Variants in TMEM135 observed in about 807,000 individuals in gnomAD.
TMEM135 encodes transmembrane protein 135.
In TMEM135, 30 loss-of-function variants were observed where a neutral mutation model predicts 60.3. The ratio of observed to expected loss-of-function variants is 0.50; its 90% confidence interval spans 0.37 to 0.68. The LOEUF (loss-of-function observed/expected upper bound fraction) is 0.68. Ranked by LOEUF, TMEM135 falls within the 30% of genes least tolerant of loss-of-function variation. The probability of loss-of-function intolerance (pLI) is 0.00; values close to 1 mark genes in which losing one functional copy is unlikely to be tolerated. For synonymous variants in TMEM135, 190 were observed against 186.7 expected (o/e 1.02, Z -0.14); for missense variants, 468 against 548.8 (o/e 0.85, Z 1.47).
At chr11:87,061,472 T>C (rs1482281049) in intron 1 of TMEM135, among the ~76,000 whole-genome samples, 1 of 152,192 alleles carries the variant, frequency 6.6e-6, no homozygotes, top group African/African-American at 2.4e-5. Context: ...AGAGATTACT[T>C]TAAGAAAGAT....
chr11:87,228,562 G>T (rs1353762392), intron 5 of TMEM135, among the ~76,000 whole-genome samples: 1 of 152,102 alleles, frequency 6.6e-6, no homozygotes, highest in Non-Finnish European at 1.5e-5. Context: ...AATACGGGGG[G>T]AGATGAGTTT....
chr11:87,258,446 A>G (rs750262548), intron 6 of TMEM135, among the ~76,000 whole-genome samples: 4 of 152,092 alleles, frequency 2.6e-5, no homozygotes, highest in South Asian at 2.1e-4. Flanking sequence ...CATTGTGTGC[A>G]TGTCCCTCCC....
At chr11:87,152,607 T>C (rs1019161405) in intron 4 of TMEM135, among the ~76,000 whole-genome samples, 1 of 152,084 alleles carries the variant, frequency 6.6e-6, no homozygotes, top group African/African-American at 2.4e-5. Flanking sequence ...CCTGGCTGAT[T>C]TTTTGTATTT....
intron 6 of TMEM135, among the ~76,000 whole-genome samples, chr11:87,276,931 C>T (rs991645012): frequency 6.6e-6 from 1 of 151,802 alleles, no homozygotes; most frequent in Non-Finnish European, 1.5e-5. Context: ...CTCGGCCTCC[C>T]AAAGTGCTGG....
chr11:87,217,500 T>G (rs911791754), intron 5 of TMEM135, among the ~76,000 whole-genome samples: 1 of 152,064 alleles, frequency 6.6e-6, no homozygotes, highest in Non-Finnish European at 1.5e-5. Flanking sequence ...AAAAAGGGAT[T>G]TGGGGCCGGG....
intron 1 of TMEM135, among the ~76,000 whole-genome samples, chr11:87,047,634 CTA>C (rs1342805997): frequency 2.5e-5 from 3 of 119,550 alleles, no homozygotes; most frequent in Admixed American, 8.3e-5. Context: ...CACCACGAGA[CTA>C]TATCCCACAC....
intron 5 of TMEM135, among the ~76,000 whole-genome samples, chr11:87,226,056 C>T (rs1940759094): frequency 6.6e-6 from 1 of 152,048 alleles, no homozygotes; most frequent in Admixed American, 6.5e-5. Context: ...CACAGTAATT[C>T]TTTTCTTGTT....
chr11:87,137,620 G>A (rs1938137371), intron 4 of TMEM135, among the ~76,000 whole-genome samples: 1 of 152,050 alleles, frequency 6.6e-6, no homozygotes, highest in Non-Finnish European at 1.5e-5. Flanking sequence ...TAGGAAGAGG[G>A]ACACTATCTT....
rs1483459843 is a variant in TMEM135, at chr11:87,325,633, G to A, written c.*4300G>A. On this transcript the variant is annotated 3_prime_UTR_variant, in exon 15 of 15. Coordinates refer to ENST00000305494, the MANE Select transcript of TMEM135 (RefSeq NM_022918.4). ...TTCATTGCAACCTTTTAAGCCAGCC[G>A]TTCAAGTGAGAGGCTCTGGAGTGAT... 7 of 453,710 alleles carry A rather than the reference G, an allele frequency of 1.5e-5. No individual in the cohort carries two copies. The highest frequency in any genetic ancestry group is 4.7e-5 in the Admixed American group (2 of 42,518). The allele number at this position is 453,710 out of a possible 1,614,324, so 28.1% of individuals were successfully genotyped here.
At chr11:87,185,946 C>T (rs1939643036) in intron 5 of TMEM135, among the ~76,000 whole-genome samples, 1 of 133,284 alleles carries the variant, frequency 7.5e-6, no homozygotes, top group South Asian at 2.3e-4. Context: ...TTCATTCTGT[C>T]ACCAGGCTAG....
intron 5 of TMEM135, among the ~76,000 whole-genome samples, chr11:87,210,494 A>G (rs1190257060): frequency 1.3e-5 from 2 of 152,160 alleles, no homozygotes; most frequent in East Asian, 3.9e-4. Flanking sequence ...CATACTGATG[A>G]TGAGTTCCCA....
rs183760443 is a variant in TMEM135, at chr11:87,046,218, C to T, written c.141+8032C>T. Among the ~76,000 whole-genome samples, 8 of 152,228 alleles carry T rather than the reference C, an allele frequency of 5.3e-5. No homozygotes were observed. In the East Asian group the frequency reaches 1.5e-3, roughly 29 times the overall value. ...GTCAGGAGTTCGAGACCAGCCTGGT[C>T]AAATGCTGAAACCCCTCCCCTACTA... On this transcript the variant is annotated intron_variant, in intron 1 of 14. Transcript: ENST00000305494.
chr11:87,114,917 A>G (rs951073608), intron 4 of TMEM135, among the ~76,000 whole-genome samples: 1 of 152,198 alleles, frequency 6.6e-6, no homozygotes, highest in Admixed American at 6.5e-5. Flanking sequence ...TAGTCTTGCA[A>G]ATAGCTAGGA....
intron 5 of TMEM135, among the ~76,000 whole-genome samples, chr11:87,180,302 G>C (rs1319060079): frequency 6.6e-6 from 1 of 152,124 alleles, no homozygotes; most frequent in Non-Finnish European, 1.5e-5. Flanking sequence ...GGAAAAACGG[G>C]CCCCTGTAGC....
In TMEM135 at chr11:87,261,228, C is replaced by G. The variant is rs75901695; in HGVS notation, c.509+24544C>G. Among the ~76,000 whole-genome samples, 662 of 152,234 alleles carry G rather than the reference C, an allele frequency of 4.3e-3. 4 individuals are homozygous for G. The highest frequency in any genetic ancestry group is 0.015 in the African/African-American group (626 of 41,534). ...AAGATTATCAGGTCTCTTTCCCCTC[C>G]CTCTTCCTTTCTTCTCAGCGCCAAC... On this transcript the variant is annotated intron_variant, in intron 6 of 14. Coordinates refer to ENST00000305494, the MANE Select transcript of TMEM135 (RefSeq NM_022918.4).
At chr11:87,083,443 G>T (rs978334579) in intron 3 of TMEM135, among the ~76,000 whole-genome samples, 2 of 152,192 alleles carry the variant, frequency 1.3e-5, no homozygotes, top group Non-Finnish European at 2.9e-5. Context: ...AAGAATTGCA[G>T]TGTGCTCAAA....
chr11:87,046,312 G>A (rs1949795621), intron 1 of TMEM135, among the ~76,000 whole-genome samples: 1 of 152,210 alleles, frequency 6.6e-6, no homozygotes, highest in African/African-American at 2.4e-5. Context: ...ACTGAGGCAG[G>A]AGAATCGCTT....
intron 1 of TMEM135, among the ~76,000 whole-genome samples, chr11:87,057,343 A>G (rs916372116): frequency 5.3e-5 from 8 of 152,312 alleles, no homozygotes; most frequent in East Asian, 1.9e-4. Context: ...CAGTATCATC[A>G]TTACGGAAAA....
chr11:87,163,020 T>C (rs549765831), intron 5 of TMEM135, among the ~76,000 whole-genome samples: 209 of 151,202 alleles, frequency 1.4e-3, no homozygotes, highest in African/African-American at 4.7e-3. Flanking sequence ...ATGTCTTCTT[T>C]TTTTTTTTTA....
Sources: gnomAD v4.1 joint callset for allele counts (sites outside exome capture counted in the v4.1 genomes callset) on GRCh38, gnomAD v4.1.1 for gene constraint, MANE v1.5 for transcripts, NCBI Gene and HGNC (gene_info 2026-07-23, HGNC 2026-07-21) for gene names.